Variants in SMC3 observed in about 807,000 individuals in gnomAD.
SMC3 encodes structural maintenance of chromosomes 3.
SMC3 carries 20 observed loss-of-function variants against 171.8 expected under a neutral mutation model. The observed-to-expected ratio is 0.12, with a 90% CI of 0.08 to 0.17. The LOEUF is 0.17. Among genes scored for constraint, SMC3 ranks in the 10% least tolerant of loss-of-function variants. The pLI is 1.00. For missense variants in SMC3, 543 were observed against 1,420.4 expected (o/e 0.38, Z 9.93); for synonymous variants, 464 against 451.1 (o/e 1.03, Z -0.36).
At position 110,575,410 on chromosome 10, in the gene SMC3, G is replaced by C; in HGVS notation, c.198+7G>C. The C allele has an allele frequency of 2.5e-6, 4 of 1,600,576 alleles. No homozygotes were observed. Among genetic ancestry groups the C allele is most frequent in the Non-Finnish European group, 3.4e-6 (4 of 1,167,840 alleles). On this transcript the variant is annotated splice_region_variant and intron_variant, in intron 4 of 28. Coordinates refer to ENST00000361804, the MANE Select transcript of SMC3 (RefSeq NM_005445.4). The stretch of plus-strand genomic sequence containing the variant: ...GCGGTTGGCTTTATTGCATGTGAGT[G>C]AGACTGCTTTAAGACATTATTGATA...
chr10:110,575,316 A>G lies in SMC3; in HGVS notation c.131-20A>G, dbSNP rs779870138. The G allele has an allele frequency of 4.4e-6, 7 of 1,600,988 alleles. No individual in the cohort carries two copies. Among genetic ancestry groups the G allele is most frequent in the Non-Finnish European group, 6.0e-6 (7 of 1,168,494 alleles). ...AAACACTTTTTTAGGGTATACTAAT[A>G]GTTGTTTTTGTATTTCCAGCAATTC... On this transcript the variant is annotated intron_variant, in intron 3 of 28. Transcript: ENST00000361804.
chr10:110,592,991 T>G, intron 17 of SMC3, 82 bp from the exon 18 acceptor site: 1 of 1,176,008 alleles, frequency 8.5e-7, no homozygotes, highest in Non-Finnish European at 1.3e-6. Context: ...TTTATTTGTA[T>G]TTCATAAAGA....
In SMC3 at chr10:110,601,573, A is replaced by G. The variant is rs1188941223; in HGVS notation, c.2645-64A>G. ...TTGGTAGGTTTGATCATAAAAATCT[A>G]TACTCAACATATAACACTGGCTTTA... On this transcript the variant is annotated intron_variant, in intron 23 of 28. Transcript: ENST00000361804. 6 of 1,528,810 alleles carry G rather than the reference A, an allele frequency of 3.9e-6. 1 individual carries two copies. Among genetic ancestry groups the G allele is most frequent in the South Asian group, 3.5e-5 (3 of 85,566 alleles). The allele number at this position is 1,528,810 out of a possible 1,614,324, so 94.7% of individuals were successfully genotyped here.
At position 110,577,405 on chromosome 10, in the gene SMC3, C is replaced by T; in HGVS notation, c.199-16C>T. 1 of 1,597,088 alleles carries T rather than the reference C, an allele frequency of 6.3e-7. No homozygotes were observed. Among genetic ancestry groups the T allele is most frequent in the Non-Finnish European group, 8.6e-7 (1 of 1,164,840 alleles). On this transcript the variant is annotated splice_polypyrimidine_tract_variant and intron_variant, in intron 4 of 28. Coordinates refer to ENST00000361804, the MANE Select transcript of SMC3 (RefSeq NM_005445.4). ...TACAACTTAAATGGCAAATTTCTCA[C>T]TTCTTTCATTTTTAGGAAGGTACTG...
chr10:110,588,468 T>TATA (rs1228998434), intron 13 of SMC3, among the ~76,000 whole-genome samples: 3 of 152,224 alleles, frequency 2.0e-5, no homozygotes, highest in African/African-American at 7.2e-5. Context: ...AATAATTAGT[T>TATA]ATAATACAAA....
At chr10:110,583,294 C>A in intron 10 of SMC3, 90 bp from the exon 11 acceptor site, 1 of 1,043,494 alleles carries the variant, frequency 9.6e-7, no homozygotes, top group Non-Finnish European at 1.5e-6. Context: ...CAGAGTATTA[C>A]TAAACATTAA....
chr10:110,579,943 A>T (rs2419573), intron 7 of SMC3, among the ~76,000 whole-genome samples: 111,576 of 151,578 alleles, frequency 0.74, 42,279 homozygotes, highest in Non-Finnish European at 0.84. Context: ...TTCTCTCTAT[A>T]TTTAAAGCAT....
In SMC3 at chr10:110,567,958, CTG is replaced by C; in HGVS notation, c.15+130_15+131del. 5.0e-6 allele frequency: 6 copies of C among 1,208,362 alleles called. No homozygotes were observed. In the Admixed American group the frequency reaches 1.0e-4, roughly 21 times the overall value. 74.9% of individuals were successfully genotyped at this position (1,208,362 alleles called of 1,614,324 possible). ...AGGCTGGACCAGGGCTGGGCGGGGACTGTGGGGGAGGAGGGAGACCCGGGTCC... is the reference window on the plus strand; with the variant it reads ...AGGCTGGACCAGGGCTGGGCGGGGACTGGGGGAGGAGGGAGACCCGGGTCC... On this transcript the variant is annotated intron_variant, in intron 1 of 28. Transcript: ENST00000361804.
intron 13 of SMC3, among the ~76,000 whole-genome samples, chr10:110,588,440 A>G (rs1861157849): frequency 1.3e-5 from 2 of 152,356 alleles, no homozygotes; most frequent in South Asian, 4.1e-4. Flanking sequence ...AATATTTACA[A>G]TTACTTTGAT....
At chr10:110,600,600 A>G (rs1437068100) in intron 22 of SMC3, 54 bp downstream of exon 22, 2 of 883,322 alleles carry the variant, frequency 2.3e-6, no homozygotes, top group African/African-American at 1.7e-5. Context: ...GCCATGACCT[A>G]TTGCAAGTGG....
At chr10:110,589,735 A>C in intron 14 of SMC3, 27 bp downstream of exon 14, 1 of 1,460,168 alleles carries the variant, frequency 6.8e-7, no homozygotes, top group Non-Finnish European at 9.6e-7. Flanking sequence ...ATGTGCATTA[A>C]TGTTTTCAGT....
At chr10:110,597,302 TGAG>T (rs1421462312) in intron 19 of SMC3, among the ~76,000 whole-genome samples, 1 of 151,840 alleles carries the variant, frequency 6.6e-6, no homozygotes, top group Non-Finnish European at 1.5e-5. Context: ...TGGTGCTGCA[TGAG>T]GAGTGGTTAG....
intron 13 of SMC3, among the ~76,000 whole-genome samples, chr10:110,586,979 T>C (rs925842670): frequency 2.0e-5 from 3 of 152,200 alleles, no homozygotes; most frequent in African/African-American, 7.2e-5. Flanking sequence ...TGCCTCTTGG[T>C]ATAATCCTAA....
At chr10:110,579,763 A>G (rs890691986) in intron 7 of SMC3, among the ~76,000 whole-genome samples, 2 of 152,200 alleles carry the variant, frequency 1.3e-5, no homozygotes, top group African/African-American at 4.8e-5. Context: ...ACCAATATGT[A>G]TAATTGGAGC....
intron 19 of SMC3, 79 bp downstream of exon 19, chr10:110,596,629 T>G (rs1861304890): frequency 7.4e-7 from 1 of 1,345,892 alleles, no homozygotes; most frequent in Admixed American, 2.3e-5. Flanking sequence ...AATCTTTTGT[T>G]TTTTCACATA....
At chr10:110,599,491 T>C (rs781518099) in intron 20 of SMC3, among the ~76,000 whole-genome samples, 163 bp from the exon 21 acceptor site, 1 of 152,206 alleles carries the variant, frequency 6.6e-6, no homozygotes, top group Non-Finnish European at 1.5e-5. Flanking sequence ...TTACATCATA[T>C]TTTTCTTGTT....
chr10:110,602,203 C>T (rs766781181), intron 25 of SMC3, 25 bp downstream of exon 25: 12 of 1,575,092 alleles, frequency 7.6e-6, no homozygotes, highest in South Asian at 2.2e-5. Flanking sequence ...GTAGTTAAAA[C>T]ATACACACAG....
intron 17 of SMC3, among the ~76,000 whole-genome samples, chr10:110,591,662 CT>C (rs1350273550): frequency 6.6e-6 from 1 of 152,162 alleles, no homozygotes; most frequent in Admixed American, 6.5e-5. Context: ...TAAAAATATT[CT>C]TCAGACACCA....
intron 2 of SMC3, among the ~76,000 whole-genome samples, chr10:110,570,711 C>G (rs957558679): frequency 6.6e-6 from 1 of 152,108 alleles, no homozygotes; most frequent in East Asian, 1.9e-4. Context: ...CTATAAGGTC[C>G]ATCAAATACC....
Sources: gnomAD v4.1 joint callset for allele counts (sites outside exome capture counted in the v4.1 genomes callset) on GRCh38, gnomAD v4.1.1 for gene constraint, MANE v1.5 for transcripts, NCBI Gene and HGNC (gene_info 2026-07-23, HGNC 2026-07-21) for gene names.